Variants in CCDC124 observed in about 807,000 individuals in gnomAD.
The protein encoded by CCDC124 is coiled-coil domain-containing protein 124.
CCDC124 carries 9 observed loss-of-function variants against 19.8 expected under a neutral mutation model. The observed-to-expected ratio is 0.45, with a 90% confidence interval of 0.27 to 0.79. The LOEUF (loss-of-function observed/expected upper bound fraction) is 0.79, where lower values mean the gene tolerates loss of function less well. Ranked by LOEUF, CCDC124 falls within the 30% of genes least tolerant of loss-of-function variation. CCDC124 has a pLI of 0.14. For synonymous variants in CCDC124, 126 were observed against 131.3 expected (o/e 0.96, Z 0.27); for missense variants, 285 against 319.0 (o/e 0.89, Z 0.81).
At chr19:17,933,976 G>T (rs1191134715) in intron 1 of CCDC124, among the ~76,000 whole-genome samples, 1 of 152,212 alleles carries the variant, frequency 6.6e-6, no homozygotes, top group Non-Finnish European at 1.5e-5. Flanking sequence ...AGAGAAAAGT[G>T]TCTGTATTTC....
chr19:17,939,581 A>G (rs1377510796), intron 2 of CCDC124, among the ~76,000 whole-genome samples: 1 of 151,760 alleles, frequency 6.6e-6, no homozygotes, highest in Admixed American at 6.6e-5. Context: ...TCACGTGGCT[A>G]TGAGGAAGAG....
chr19:17,940,818 T>G (rs8099927), intron 2 of CCDC124, among the ~76,000 whole-genome samples: 1 of 148,410 alleles, frequency 6.7e-6, no homozygotes. Context: ...GAGGCCGAGG[T>G]GGGCAGATCA....
rs1244776962 is a variant in CCDC124, at chr19:17,942,784, C to G, written c.288C>G (p.Thr96=). Residue 96 remains threonine (T), a synonymous_variant, in exon 3 of 5, where the codon ACC becomes ACG. Coordinates refer to ENST00000445755, the MANE Select transcript of CCDC124 (RefSeq NM_001136203.2). This position sits in a 1 kb window ranked among gnomAD's most constrained non-coding sequence, Gnocchi z 4.2. The part of the protein sequence containing the change: ...APRVATSSKV[T]RAQIEDTLRR... ...GGGTGGCCACGTCCAGCAAGGTCAC[C>G]CGGGCCCAGATCGAGGACACGCTGC... 3 of 1,546,520 alleles carry G rather than the reference C, an allele frequency of 1.9e-6. No individual in the cohort carries two copies. Among genetic ancestry groups the G allele is most frequent in the Non-Finnish European group, 2.6e-6 (3 of 1,145,934 alleles).
At chr19:17,941,073 CAAAA>C (rs1289891182) in intron 2 of CCDC124, among the ~76,000 whole-genome samples, 1 of 151,716 alleles carries the variant, frequency 6.6e-6, no homozygotes, top group Non-Finnish European at 1.5e-5. Context: ...GAAAAAAACA[CAAAA>C]AACCTTTACC....
chr19:17,942,662 AAGG>A lies in CCDC124; in HGVS notation c.169_171del (p.Glu57del). The A allele has an allele frequency of 2.6e-6, 4 of 1,554,932 alleles. No individual in the cohort carries two copies. Among genetic ancestry groups the A allele is most frequent in the South Asian group, 2.4e-5 (2 of 84,386 alleles). ...ATGCACGCCGCCCCCGCAGGAGGAG[AAGG>A]AGAAGCGGCGCCTCGACCAGCTGGA... On this transcript the variant is annotated inframe_deletion, in exon 3 of 5. Transcript: ENST00000445755. The surrounding 1 kb of genome is among the most constrained non-coding windows in gnomAD (Gnocchi z 4.2).
Position 17,942,642 on chromosome 19 carries a change from C to T in CCDC124, c.160-14C>T, listed in dbSNP as rs1471432593. On this transcript the variant is annotated splice_polypyrimidine_tract_variant and intron_variant, in intron 2 of 4. Transcript: ENST00000445755. The surrounding 1 kb of genome is among the most constrained non-coding windows in gnomAD (Gnocchi z 4.2). ...GTGGGGTCTTCTGCCTGACCATGCA[C>T]GCCGCCCCCGCAGGAGGAGAAGGAG... is the stretch of plus-strand genomic sequence containing the variant. 2 of 1,551,886 alleles carry T rather than the reference C, an allele frequency of 1.3e-6. No homozygotes were observed. The highest frequency in any genetic ancestry group is 1.7e-6 in the Non-Finnish European group (2 of 1,147,926).
rs2031216952 is a variant in CCDC124 at position 17,942,856 on chromosome 19, A to G, written c.349+11A>G. 6.7e-7 allele frequency: 1 copy of G among 1,490,502 alleles called. No homozygotes were observed. 92.3% of individuals were successfully genotyped at this position (1,490,502 alleles called of 1,614,324 possible). On this transcript the variant is annotated intron_variant, in intron 3 of 4. Transcript: ENST00000445755. This position sits in a 1 kb window ranked among gnomAD's most constrained non-coding sequence, Gnocchi z 4.2. Reference sequence around the variant, plus strand: ...AGGCCCCGGACACAGGTCGGGCGGCATCCCGCTCTGGAGCTGCACTTTTGC... The same window carrying G: ...AGGCCCCGGACACAGGTCGGGCGGCGTCCCGCTCTGGAGCTGCACTTTTGC...
intron 2 of CCDC124, among the ~76,000 whole-genome samples, chr19:17,940,807 G>A (rs2031162777): frequency 6.6e-6 from 1 of 150,662 alleles, no homozygotes; most frequent in Non-Finnish European, 1.5e-5. Flanking sequence ...CAGCACTTTG[G>A]GAGGCCGAGG....
At chr19:17,936,377 C>T (rs371501289) in intron 1 of CCDC124, 33 bp from the exon 2 acceptor site, 1 of 1,568,994 alleles carries the variant, frequency 6.4e-7, no homozygotes, top group Non-Finnish European at 8.7e-7. Context: ...CCCCTCCGGC[C>T]CCTGCTCCCC....
chr19:17,940,861 C>A (rs1030108302), intron 2 of CCDC124, among the ~76,000 whole-genome samples: 2 of 150,562 alleles, frequency 1.3e-5, no homozygotes, highest in Admixed American at 6.7e-5. Context: ...TCCTGGCTAA[C>A]ACGGTGAAAC....
chr19:17,943,890 G>T lies in CCDC124; in HGVS notation c.*175G>T, dbSNP rs562161463. The T allele has an allele frequency of 2.3e-4, 145 of 632,168 alleles. No individual in the cohort carries two copies. Among genetic ancestry groups the T allele is most frequent in the Non-Finnish European group, 3.4e-4 (125 of 363,270 alleles). The allele number at this position is 632,168 out of a possible 1,614,324, so 39.2% of individuals were successfully genotyped here. ...CCTCCCGCCAGAGGGTCCCTGCCCC[G>T]AGTGACACCCCATCCCCTCCCATCC... is the stretch of plus-strand genomic sequence containing the variant. On this transcript the variant is annotated 3_prime_UTR_variant, in exon 5 of 5. Transcript: ENST00000445755.
intron 2 of CCDC124, among the ~76,000 whole-genome samples, chr19:17,937,809 C>T (rs549137985): frequency 1.3e-5 from 2 of 152,256 alleles, no homozygotes; most frequent in African/African-American, 2.4e-5. Context: ...TCTCAGTTCA[C>T]CGCAACCTTT....
At chr19:17,935,498 G>C (rs551135918) in intron 1 of CCDC124, among the ~76,000 whole-genome samples, 2 of 150,184 alleles carry the variant, frequency 1.3e-5, no homozygotes, top group Non-Finnish European at 3.0e-5. Context: ...TCAGCTCATT[G>C]CAACCTCCGC....
intron 2 of CCDC124, among the ~76,000 whole-genome samples, chr19:17,939,575 G>A (rs775008493): frequency 8.6e-5 from 13 of 151,982 alleles, no homozygotes; most frequent in Admixed American, 6.6e-5. Context: ...CCCAGATCAC[G>A]TGGCTATGAG....
At position 17,936,511 on chromosome 19, in the gene CCDC124, CAGA is replaced by C. The variant is rs2031068461; in HGVS notation, c.94_96del (p.Lys32del). Reference sequence around the variant, plus strand: ...CAAGGCGGCCGCTGATGCCAAGAAGCAGAAGGAGCTGGAGGATGCCTACTGGAA... The same window carrying C: ...CAAGGCGGCCGCTGATGCCAAGAAGCAGGAGCTGGAGGATGCCTACTGGAA... On this transcript the variant is annotated inframe_deletion, in exon 2 of 5. Coordinates refer to ENST00000445755, the MANE Select transcript of CCDC124 (RefSeq NM_001136203.2). 6.2e-7 allele frequency: 1 copy of C among 1,613,380 alleles called. No individual in the cohort carries two copies. The highest frequency in any genetic ancestry group is 8.5e-7 in the Non-Finnish European group (1 of 1,179,826).
chr19:17,934,081 T>C (rs1464400942), intron 1 of CCDC124, among the ~76,000 whole-genome samples: 1 of 149,018 alleles, frequency 6.7e-6, no homozygotes, highest in Non-Finnish European at 1.5e-5. Flanking sequence ...CCAGGCACTT[T>C]GAGAGGCCGA....
chr19:17,939,909 C>T (rs560576874), intron 2 of CCDC124, among the ~76,000 whole-genome samples: 7 of 148,034 alleles, frequency 4.7e-5, no homozygotes, highest in African/African-American at 1.7e-4. Flanking sequence ...AGGTGTGAGC[C>T]ACCGCACCTG....
rs1308110770 is a variant in CCDC124 at position 17,943,764 on chromosome 19, C to T, written c.*49C>T. ...CACCCACGGGTGGTCCAGGTCACGA[C>T]TCTGCACGCCCTTAGGCCAGGTCAG... On this transcript the variant is annotated 3_prime_UTR_variant, in exon 5 of 5. Transcript: ENST00000445755. 6.4e-7 allele frequency: 1 copy of T among 1,564,934 alleles called. No individual in the cohort carries two copies.
chr19:17,935,967 C>T (rs4808103), intron 1 of CCDC124, among the ~76,000 whole-genome samples: 20,697 of 151,640 alleles, frequency 0.14, 3,287 homozygotes, highest in African/African-American at 0.39. Flanking sequence ...TGCAGTGGCA[C>T]GATCTTGGCT....
Sources: gnomAD v4.1 joint callset for allele counts (sites outside exome capture counted in the v4.1 genomes callset) on GRCh38, gnomAD v4.1.1 for gene constraint, Gnocchi (gnomAD v3.1) non-coding constraint, MANE v1.5 for transcripts, NCBI Gene and HGNC (gene_info 2026-07-23, HGNC 2026-07-21) for gene names.